Variants in UBL3 observed in about 807,000 individuals in gnomAD.
UBL3 encodes ubiquitin like 3, also known as ubiquitin-like protein 3.
A neutral mutation model predicts 18.4 loss-of-function variants in UBL3; 6 were observed. The ratio of observed to expected loss-of-function variants is 0.33; its 90% CI spans 0.18 to 0.64. The LOEUF (loss-of-function observed/expected upper bound fraction) is 0.64, where lower values mean the gene tolerates loss of function less well. Ranked by LOEUF, UBL3 falls within the 30% of genes least tolerant of loss-of-function variation. The probability of loss-of-function intolerance (pLI) is 0.76; values close to 1 mark genes in which losing one functional copy is unlikely to be tolerated. For synonymous variants in UBL3, 49 were observed against 46.6 expected (o/e 1.05, Z -0.21); for missense variants, 109 against 142.9 (o/e 0.76, Z 1.21).
intron 3 of UBL3, among the ~76,000 whole-genome samples, chr13:29,770,758 G>T (rs1035653033): frequency 6.6e-6 from 1 of 151,610 alleles, no homozygotes; most frequent in Non-Finnish European, 1.5e-5. Flanking sequence ...TATAGCCAGG[G>T]AGCTAACAGT....
At chr13:29,814,127 T>TC (rs1878194690) in intron 1 of UBL3, among the ~76,000 whole-genome samples, 1 of 152,132 alleles carries the variant, frequency 6.6e-6, no homozygotes. Context: ...TTAGAATCTT[T>TC]CTTTTTTTTA....
chr13:29,838,453 T>A (rs1451444667), intron 1 of UBL3, among the ~76,000 whole-genome samples: 1 of 152,198 alleles, frequency 6.6e-6, no homozygotes, highest in Non-Finnish European at 1.5e-5. Context: ...ACCACTGTTA[T>A]AATTACTTTA....
At chr13:29,802,815 G>A (rs750129419) in intron 1 of UBL3, among the ~76,000 whole-genome samples, 6 of 152,142 alleles carry the variant, frequency 3.9e-5, no homozygotes, top group Admixed American at 6.5e-5. Flanking sequence ...GAAATAAAGA[G>A]ACTAAATCTA....
At chr13:29,839,261 C>A (rs1879033801) in intron 1 of UBL3, among the ~76,000 whole-genome samples, 1 of 152,044 alleles carries the variant, frequency 6.6e-6, no homozygotes, top group Admixed American at 6.6e-5. Context: ...AACAAATTAC[C>A]CACAAGTGAA....
chr13:29,835,125 A>AATATATATATAT (rs59643985), intron 1 of UBL3, among the ~76,000 whole-genome samples: 4 of 23,430 alleles, frequency 1.7e-4, no homozygotes, highest in Non-Finnish European at 1.4e-4. Flanking sequence ...TATATATATA[A>AATATATATATAT]ATATATATAT....
At chr13:29,813,024 T>TG in intron 1 of UBL3, among the ~76,000 whole-genome samples, 1 of 152,176 alleles carries the variant, frequency 6.6e-6, no homozygotes, top group South Asian at 2.1e-4. Flanking sequence ...TTTACCCAAT[T>TG]GTGACTAAGA....
At chr13:29,848,561 AATGTTAACAT>A (rs1291045360) in intron 1 of UBL3, among the ~76,000 whole-genome samples, 30 of 152,350 alleles carry the variant, frequency 2.0e-4, no homozygotes, top group African/African-American at 7.2e-4. Flanking sequence ...CAAACACTCA[AATGTTAACAT>A]ATGTGAGCAC....
chr13:29,807,323 GT>G (rs1480621115), intron 1 of UBL3, among the ~76,000 whole-genome samples: 4 of 152,096 alleles, frequency 2.6e-5, no homozygotes, highest in Non-Finnish European at 4.4e-5. Flanking sequence ...ATAATCTTGG[GT>G]AAGTCACTTC....
intron 1 of UBL3, among the ~76,000 whole-genome samples, chr13:29,812,944 C>T (rs1878141891): frequency 6.6e-6 from 1 of 151,888 alleles, no homozygotes; most frequent in South Asian, 2.1e-4. Flanking sequence ...AATGTGGCTA[C>T]CAGAAAATTT....
chr13:29,773,999 T>C (rs553256919), intron 2 of UBL3, among the ~76,000 whole-genome samples: 4 of 152,332 alleles, frequency 2.6e-5, no homozygotes, highest in African/African-American at 9.6e-5. Context: ...TGATACAATA[T>C]AGACTTAGAT....
intron 2 of UBL3, among the ~76,000 whole-genome samples, chr13:29,776,711 A>C (rs531643077): frequency 1.3e-5 from 2 of 151,960 alleles, no homozygotes; most frequent in East Asian, 3.9e-4. Context: ...TTTCTACCAA[A>C]AATACAAAAA....
intron 3 of UBL3, among the ~76,000 whole-genome samples, chr13:29,771,393 C>CA (rs1876837139): frequency 1.3e-5 from 2 of 152,164 alleles, no homozygotes; most frequent in South Asian, 4.1e-4. Flanking sequence ...TTTCTCCAAT[C>CA]ATATATAAAG....
chr13:29,807,887 T>C (rs1181495545), intron 1 of UBL3, among the ~76,000 whole-genome samples: 1 of 152,202 alleles, frequency 6.6e-6, no homozygotes, highest in Non-Finnish European at 1.5e-5. Flanking sequence ...CACTTTTTAA[T>C]ATTTCCTTCA....
chr13:29,791,768 C>T (rs1342544404), intron 1 of UBL3, among the ~76,000 whole-genome samples: 1 of 152,110 alleles, frequency 6.6e-6, no homozygotes, highest in East Asian at 1.9e-4. Context: ...TATTACTATG[C>T]CCCCTTTCAC....
chr13:29,802,637 A>G (rs1877801901), intron 1 of UBL3, among the ~76,000 whole-genome samples: 1 of 152,234 alleles, frequency 6.6e-6, no homozygotes, highest in Non-Finnish European at 1.5e-5. Flanking sequence ...GGTGAAAAAC[A>G]CACTAAAAGA....
At chr13:29,845,861 A>T (rs1199077511) in intron 1 of UBL3, among the ~76,000 whole-genome samples, 1 of 152,156 alleles carries the variant, frequency 6.6e-6, no homozygotes, top group African/African-American at 2.4e-5. Flanking sequence ...CTTTGCCATT[A>T]TTCTCACACT....
chr13:29,832,474 A>G (rs1283733419), intron 1 of UBL3, among the ~76,000 whole-genome samples: 2 of 152,072 alleles, frequency 1.3e-5, no homozygotes, highest in African/African-American at 2.4e-5. Context: ...CTGGGACTAC[A>G]GGACCCCACC....
At chr13:29,772,744 T>C (rs1451419625) in intron 2 of UBL3, among the ~76,000 whole-genome samples, 7 of 152,072 alleles carry the variant, frequency 4.6e-5, no homozygotes, top group Non-Finnish European at 7.4e-5. Flanking sequence ...TTAGAGAAGA[T>C]ACAACTTTAG....
At chr13:29,820,633 CTTGAG>C (rs767727515) in intron 1 of UBL3, among the ~76,000 whole-genome samples, 1 of 152,064 alleles carries the variant, frequency 6.6e-6, no homozygotes, top group Non-Finnish European at 1.5e-5. Flanking sequence ...TTTTTTCTCC[CTTGAG>C]TTATCATCCA....
Sources: gnomAD v4.1 joint callset for allele counts (sites outside exome capture counted in the v4.1 genomes callset) on GRCh38, gnomAD v4.1.1 for gene constraint, MANE v1.5 for transcripts, NCBI Gene and HGNC (gene_info 2026-07-23, HGNC 2026-07-21) for gene names.